CALN1: variants seen among roughly 807,000 people sequenced by gnomAD.
CALN1 encodes calcium-binding protein 8.
CALN1 carries 17 observed loss-of-function variants against 30.6 expected under a neutral mutation model. The ratio of observed to expected loss-of-function variants is 0.56; its 90% confidence interval spans 0.38 to 0.83. The LOEUF (loss-of-function observed/expected upper bound fraction) is 0.83. Ranked by LOEUF, CALN1 falls within the 40% of genes least tolerant of loss-of-function variation. The pLI, the probability that CALN1 is intolerant of heterozygous loss-of-function variation, is 0.00. For missense variants in CALN1, 291 were observed against 354.9 expected (o/e 0.82, Z 1.45); for synonymous variants, 156 against 131.4 (o/e 1.19, Z -1.28).
At chr7:72,005,053 T>C (rs1252199829) in intron 5 of CALN1, among the ~76,000 whole-genome samples, 4 of 152,138 alleles carry the variant, frequency 2.6e-5, no homozygotes. Flanking sequence ...GAATGTAAAA[T>C]GCTACCATCA....
Position 71,797,103 on chromosome 7 carries a change from A to C in CALN1, c.659-9201T>G, listed in dbSNP as rs76560492. Among the ~76,000 whole-genome samples the C allele has an allele frequency of 6.0e-4, 92 of 152,352 alleles. No individual in the cohort carries two copies. In the East Asian group the frequency reaches 0.017, roughly 28 times the overall value. On this transcript the variant is annotated intron_variant, in intron 6 of 6. Transcript: ENST00000395275. The stretch of plus-strand genomic sequence containing the variant: ...CCATGGCCCTGGAGACAACAGGTTC[A>C]TAATCCCTCTGCCTTCAATCTCCAC...
chr7:72,287,206 C>A (rs1798140410), intron 2 of CALN1, among the ~76,000 whole-genome samples: 1 of 152,018 alleles, frequency 6.6e-6, no homozygotes, highest in Non-Finnish European at 1.5e-5. Context: ...CTACTCTATT[C>A]TTTCACTTCC....
At chr7:72,487,917 AGAAGGAAGGAAGGAAG>A in the CALN1 span, among the ~76,000 whole-genome samples, 1 of 62,242 alleles carries the variant, frequency 1.6e-5, no homozygotes, top group Non-Finnish European at 3.1e-5. Context: ...AAAGAAAGAA[AGAAGGAAGGAAGGAAG>A]GAAGGAAGGA....
At chr7:72,262,935 A>C (rs1290951388) in intron 3 of CALN1, among the ~76,000 whole-genome samples, 1 of 152,182 alleles carries the variant, frequency 6.6e-6, no homozygotes, top group Non-Finnish European at 1.5e-5. Flanking sequence ...AGACACAAAG[A>C]CTCACAATGG....
chr7:72,388,373 A>G (rs1805371329), intron 2 of CALN1, among the ~76,000 whole-genome samples: 1 of 151,990 alleles, frequency 6.6e-6, no homozygotes, highest in African/African-American at 2.4e-5. Context: ...AAAATGCAAA[A>G]AAAACAAACA....
intron 5 of CALN1, among the ~76,000 whole-genome samples, chr7:72,013,402 A>T (rs844711): frequency 0.29 from 43,799 of 151,280 alleles, 10,039 homozygotes; most frequent in African/African-American, 0.64. Context: ...CAGGTGCATG[A>T]CACCACACCC....
chr7:72,375,997 T>G (rs1157743764), intron 2 of CALN1, among the ~76,000 whole-genome samples: 1 of 152,214 alleles, frequency 6.6e-6, no homozygotes, highest in African/African-American at 2.4e-5. Flanking sequence ...ATAATTAGAA[T>G]CATACCATAT....
intron 4 of CALN1, among the ~76,000 whole-genome samples, chr7:72,035,056 G>T (rs1801710043): frequency 6.6e-6 from 1 of 152,018 alleles, no homozygotes; most frequent in African/African-American, 2.4e-5. Context: ...TGGCAGGTGG[G>T]GCATAGGAAT....
chr7:72,269,588 A>G (rs753096508), intron 3 of CALN1, among the ~76,000 whole-genome samples: 9 of 152,224 alleles, frequency 5.9e-5, no homozygotes, highest in South Asian at 2.1e-4. Context: ...CTAAGACACT[A>G]GAAAGACCAC....
chr7:71,860,615 C>A lies in CALN1; in HGVS notation c.502-50123G>T, dbSNP rs542802231. Among the ~76,000 whole-genome samples, 7 of 152,246 alleles carry A rather than the reference C, an allele frequency of 4.6e-5. No homozygotes were observed. In the South Asian group the frequency reaches 1.2e-3, roughly 27 times the overall value. On this transcript the variant is annotated intron_variant, in intron 5 of 6. Coordinates refer to ENST00000395275, the MANE Select transcript of CALN1 (RefSeq NM_031468.4). ...TCTCTTGGGGGCTGAATCAGGACCC[C>A]TTTTTGGTAACAACAACACTAATAG...
intron 2 of CALN1, among the ~76,000 whole-genome samples, chr7:72,300,970 G>C: frequency 6.6e-6 from 1 of 152,018 alleles, no homozygotes; most frequent in East Asian, 1.9e-4. Flanking sequence ...CTCCAGCCTG[G>C]GTGACAGAGT....
At chr7:72,403,946 C>A (rs566970323) in intron 1 of CALN1, among the ~76,000 whole-genome samples, 1 of 152,244 alleles carries the variant, frequency 6.6e-6, no homozygotes, top group Admixed American at 6.5e-5. Context: ...CAGGGCAATA[C>A]CCTCCTAACT....
At chr7:72,046,889 C>A (rs1361305076) in intron 4 of CALN1, among the ~76,000 whole-genome samples, 1 of 151,810 alleles carries the variant, frequency 6.6e-6, no homozygotes, top group Admixed American at 6.6e-5. Context: ...TCTAGCAAAA[C>A]CCTGTCTCTA....
intron 5 of CALN1, among the ~76,000 whole-genome samples, chr7:71,939,659 A>T (rs1375278017): frequency 6.6e-6 from 1 of 152,164 alleles, no homozygotes; most frequent in Non-Finnish European, 1.5e-5. Context: ...GCAAGAAACA[A>T]AGGTAATTTG....
chr7:72,394,718 G>C lies in CALN1; in HGVS notation c.119+8533C>G, dbSNP rs1805803888. 2.0e-5 allele frequency among the ~76,000 whole-genome samples: 3 copies of C among 148,238 alleles called. No individual in the cohort carries two copies. In the Admixed American group the frequency reaches 2.0e-4, roughly 10 times the overall value. On this transcript the variant is annotated intron_variant, in intron 2 of 6. Transcript: ENST00000395275. ...ACTATGTTGCCCAGGCTGAAGTGCA[G>C]TGGCGCAATCGTAGCTCACTGCAGC...
rs563239144 is a variant in CALN1 at position 71,956,937 on chromosome 7, A to T, written c.501+66720T>A. Among the ~76,000 whole-genome samples the T allele has an allele frequency of 4.6e-5, 7 of 152,164 alleles. No individual in the cohort carries two copies. In the East Asian group the frequency reaches 1.4e-3, roughly 29 times the overall value. On this transcript the variant is annotated intron_variant, in intron 5 of 6. Transcript: ENST00000395275. ...GTCTCAAAACTCGAGACCTCAGGTG[A>T]TCCACCCACCTTGGCCTCCCAAAGT...
chr7:72,125,920 A>G (rs544321875), intron 3 of CALN1, among the ~76,000 whole-genome samples: 10 of 149,066 alleles, frequency 6.7e-5, no homozygotes, highest in South Asian at 4.2e-4. Context: ...CTCCTCCCTC[A>G]GCCTCCCAAG....
chr7:72,200,165 G>C (rs1791322058), intron 3 of CALN1, among the ~76,000 whole-genome samples: 1 of 152,098 alleles, frequency 6.6e-6, no homozygotes, highest in Non-Finnish European at 1.5e-5. Context: ...TATGAAATTG[G>C]GGGGAGTGGA....
chr7:72,246,753 A>AT lies in CALN1; in HGVS notation c.244+31932dup, dbSNP rs58282615. Among the ~76,000 whole-genome samples, 527 of 116,572 alleles carry AT rather than the reference A, an allele frequency of 4.5e-3. 8 individuals are homozygous for AT. The highest frequency in any genetic ancestry group is 0.013 in the African/African-American group (399 of 30,770). 76.5% of individuals were successfully genotyped at this position (116,572 alleles called of 152,430 possible). A position where few individuals can be genotyped will look rare whatever the true frequency, so the allele number is the denominator to read the frequency against. On this transcript the variant is annotated intron_variant, in intron 3 of 6. Transcript: ENST00000395275. The stretch of plus-strand genomic sequence containing the variant: ...AATGATCCTCATTCCTACCAGAACA[A>AT]TTTTTTTTTTTTTTTTTTGAGATGG...
Sources: allele counts gnomAD v4.1 joint callset (sites outside exome capture counted in the v4.1 genomes callset), GRCh38; gene constraint gnomAD v4.1.1; transcripts MANE v1.5; gene names NCBI Gene and HGNC (gene_info 2026-07-23, HGNC 2026-07-21).